The following UBE2E1 variants were observed in gnomAD, a reference collection of about 807,000 sequenced individuals.
UBE2E1 encodes ubiquitin conjugating enzyme E2 E1.
A neutral mutation model predicts 21.4 loss-of-function variants in UBE2E1; 6 were observed. The ratio of observed to expected loss-of-function variants is 0.28; its 90% CI spans 0.15 to 0.55. The LOEUF is 0.55. UBE2E1 is among the 20% of genes least tolerant of loss of function. The pLI is 0.93. For missense variants in UBE2E1, 142 were observed against 236.5 expected (o/e 0.60, Z 2.62); for synonymous variants, 87 against 82.7 (o/e 1.05, Z -0.28).
rs7633074 is a variant in UBE2E1 at position 23,863,213 on chromosome 3, A to G, written c.204-24354A>G. 0.022 allele frequency among the ~76,000 whole-genome samples: 3,332 copies of G among 152,242 alleles called. 118 individuals are homozygous for G. Among genetic ancestry groups the G allele is most frequent in the African/African-American group, 0.076 (3,166 of 41,524 alleles). On this transcript the variant is annotated intron_variant, in intron 3 of 5. Coordinates refer to ENST00000306627, the MANE Select transcript of UBE2E1 (RefSeq NM_003341.5). The surrounding 1 kb of genome is among the most constrained non-coding windows in gnomAD (Gnocchi z 4.3). The stretch of plus-strand genomic sequence containing the variant: ...TACCAATAACTCTTGATTCATGACA[A>G]TGGATGATGACAACTTAGTTCTTTC...
At chr3:23,813,742 C>T (rs1699451407) in intron 3 of UBE2E1, among the ~76,000 whole-genome samples, 1 of 152,076 alleles carries the variant, frequency 6.6e-6, no homozygotes. Flanking sequence ...GGGGTTTCAC[C>T]ATGTTGGCCA....
At chr3:23,889,701 A>G (rs1701310428) in intron 5 of UBE2E1, 1 of 985,284 alleles carries the variant, frequency 1.0e-6, no homozygotes, top group African/African-American at 1.7e-5. Flanking sequence ...GGTAGTTGTT[A>G]AATACTTAGT....
chr3:23,834,839 T>C (rs1226767951), intron 3 of UBE2E1, among the ~76,000 whole-genome samples: 1 of 152,224 alleles, frequency 6.6e-6, no homozygotes, highest in African/African-American at 2.4e-5. Flanking sequence ...TTTATAAATT[T>C]TTTAACTTAA....
At chr3:23,815,292 T>G (rs1255714244) in intron 3 of UBE2E1, among the ~76,000 whole-genome samples, 1 of 152,204 alleles carries the variant, frequency 6.6e-6, no homozygotes, top group East Asian at 1.9e-4. Flanking sequence ...CTGATACTAG[T>G]TTTTCTGTAT....
intron 3 of UBE2E1, among the ~76,000 whole-genome samples, chr3:23,886,475 T>G (rs1161135116): frequency 1.3e-5 from 2 of 152,236 alleles, no homozygotes; most frequent in Non-Finnish European, 2.9e-5. Context: ...CCTCCTTTTT[T>G]GCCATGTCAT....
Position 23,845,929 on chromosome 3 carries a change from C to T in UBE2E1, c.203+34419C>T, listed in dbSNP as rs561023411. On this transcript the variant is annotated intron_variant, in intron 3 of 5. Coordinates refer to ENST00000306627, the MANE Select transcript of UBE2E1 (RefSeq NM_003341.5). ...CTAGTTTTCTTTAGATTTTTTTAAT[C>T]ACTTAAAAATGTGAAAACCTTTCTT... is the stretch of plus-strand genomic sequence containing the variant. Among the ~76,000 whole-genome samples the T allele has an allele frequency of 1.1e-3, 168 of 152,134 alleles. 1 individual carries two copies. The highest frequency in any genetic ancestry group is 9.1e-3 in the South Asian group (44 of 4,820).
chr3:23,818,362 A>C (rs1316401767), intron 3 of UBE2E1, among the ~76,000 whole-genome samples: 3 of 152,194 alleles, frequency 2.0e-5, no homozygotes, highest in African/African-American at 7.2e-5. Context: ...CCAGATCTAC[A>C]TGGCCTACTT....
rs895308862 is a variant in UBE2E1, at chr3:23,841,364, T to G, written c.203+29854T>G. The stretch of plus-strand genomic sequence containing the variant: ...ATTAGAATTTTTAATTGTTTTAGGG[T>G]TTTTTTTTTAAGAATAGATGATTGA... On this transcript the variant is annotated intron_variant, in intron 3 of 5. Coordinates refer to ENST00000306627, the MANE Select transcript of UBE2E1 (RefSeq NM_003341.5). Among the ~76,000 whole-genome samples the G allele has an allele frequency of 4.7e-5, 7 of 148,550 alleles. No homozygotes were observed. The South Asian group carries it at 8.5e-4, about 18-fold the overall frequency.
chr3:23,849,825 C>T (rs1040342017), intron 3 of UBE2E1, among the ~76,000 whole-genome samples: 3 of 152,054 alleles, frequency 2.0e-5, no homozygotes, highest in African/African-American at 7.2e-5. Context: ...CGTATGTGTG[C>T]AGTGTCTTTA....
intron 3 of UBE2E1, among the ~76,000 whole-genome samples, chr3:23,850,276 C>T (rs1478513612): frequency 1.3e-5 from 2 of 152,134 alleles, no homozygotes; most frequent in African/African-American, 4.8e-5. Flanking sequence ...GCTGGGATTA[C>T]ACGTGTGAGC....
At chr3:23,877,018 G>C (rs1191252993) in intron 3 of UBE2E1, among the ~76,000 whole-genome samples, 2 of 152,218 alleles carry the variant, frequency 1.3e-5, no homozygotes, top group African/African-American at 4.8e-5. Context: ...GTGAGACACT[G>C]TCTCAAAGAA....
In UBE2E1 at chr3:23,887,822, G is replaced by GTA; in HGVS notation, c.336+125_336+126dup. 2 of 1,315,584 alleles carry GTA rather than the reference G, an allele frequency of 1.5e-6. No homozygotes were observed. The highest frequency in any genetic ancestry group is 3.0e-5 in the African/African-American group (2 of 67,080). 81.5% of individuals were successfully genotyped at this position (1,315,584 alleles called of 1,614,324 possible). On this transcript the variant is annotated intron_variant, in intron 4 of 5. Transcript: ENST00000306627. The surrounding 1 kb of genome is among the most constrained non-coding windows in gnomAD (Gnocchi z 4.4). ...TTATCTTATGTCCTAATAGATCTGA[G>GTA]TATTTTAACATATACAAAACACTTC...
intron 3 of UBE2E1, among the ~76,000 whole-genome samples, chr3:23,883,338 G>A (rs1038918304): frequency 6.6e-6 from 1 of 152,100 alleles, no homozygotes; most frequent in East Asian, 1.9e-4. Context: ...CGAGAAATAG[G>A]TGGGATGCTT....
chr3:23,841,382 A>G (rs1700083371), intron 3 of UBE2E1, among the ~76,000 whole-genome samples: 3 of 151,662 alleles, frequency 2.0e-5, no homozygotes, highest in African/African-American at 7.3e-5. Context: ...TTAAGAATAG[A>G]TGATTGATTT....
At chr3:23,883,689 A>G (rs4025822) in intron 3 of UBE2E1, among the ~76,000 whole-genome samples, 119,879 of 151,934 alleles carry the variant, frequency 0.79, 48,107 homozygotes, top group African/African-American at 0.91. Flanking sequence ...AGGCTGAGGC[A>G]GTCGGATCAC....
chr3:23,865,147 C>G (rs375033590), intron 3 of UBE2E1, among the ~76,000 whole-genome samples: 49 of 152,294 alleles, frequency 3.2e-4, no homozygotes, highest in African/African-American at 1.1e-3. Flanking sequence ...TGGCTGTAGT[C>G]AAGGAGTCAG....
chr3:23,853,760 G>A lies in UBE2E1; in HGVS notation c.204-33807G>A, dbSNP rs966220540. 2.0e-5 allele frequency among the ~76,000 whole-genome samples: 3 copies of A among 152,154 alleles called. No individual in the cohort carries two copies. Among genetic ancestry groups the A allele is most frequent in the Admixed American group, 6.5e-5 (1 of 15,280 alleles). On this transcript the variant is annotated intron_variant, in intron 3 of 5. Coordinates refer to ENST00000306627, the MANE Select transcript of UBE2E1 (RefSeq NM_003341.5). This position sits in a 1 kb window ranked among gnomAD's most constrained non-coding sequence, Gnocchi z 4.1. ...AGGTTTTGCATTTGGTAGTCTGCCA[G>A]TGCTCAAAAATTCCTGGTGGTGGTT...
In UBE2E1 at chr3:23,812,488, A is replaced by G. The variant is rs538005856; in HGVS notation, c.203+978A>G. Among the ~76,000 whole-genome samples, 3 of 152,376 alleles carry G rather than the reference A, an allele frequency of 2.0e-5. No individual in the cohort carries two copies. The East Asian group carries it at 5.8e-4, about 29-fold the overall frequency. ...TAAATGAAGTATTTTGTTTAGTAAC[A>G]GTGAACTTTGGAAACTAATTAGTGG... On this transcript the variant is annotated intron_variant, in intron 3 of 5. Coordinates refer to ENST00000306627, the MANE Select transcript of UBE2E1 (RefSeq NM_003341.5).
chr3:23,866,860 A>AAAT (rs1266426847), intron 3 of UBE2E1, among the ~76,000 whole-genome samples: 1 of 152,364 alleles, frequency 6.6e-6, no homozygotes, highest in African/African-American at 2.4e-5. Context: ...AAGAGAAATG[A>AAAT]AATAATAAGG....
Sources: allele counts gnomAD v4.1 joint callset (sites outside exome capture counted in the v4.1 genomes callset), GRCh38; gene constraint gnomAD v4.1.1; non-coding constraint Gnocchi (gnomAD v3.1); transcripts MANE v1.5; gene names NCBI Gene and HGNC (gene_info 2026-07-23, HGNC 2026-07-21).